The following EPHB6 variants were observed in gnomAD, a reference collection of about 807,000 sequenced individuals.
EPHB6 encodes EPH receptor B6, also known as ephrin type-B receptor 6.
A neutral mutation model predicts 107.0 loss-of-function variants in EPHB6; 51 were observed. The ratio of observed to expected loss-of-function variants is 0.48; its 90% CI spans 0.38 to 0.60. The LOEUF (loss-of-function observed/expected upper bound fraction) is 0.60, where lower values mean the gene tolerates loss of function less well. EPHB6 is among the 20% of genes least tolerant of loss of function. The probability of loss-of-function intolerance (pLI) is 0.00; values close to 1 mark genes in which losing one functional copy is unlikely to be tolerated. For missense variants in EPHB6, 1,141 were observed against 1,355.5 expected (o/e 0.84, Z 2.48); for synonymous variants, 553 against 549.0 (o/e 1.01, Z -0.10).
chr7:142,866,468 T>C lies in EPHB6; in HGVS notation c.1463-13T>C, dbSNP rs767099393. 8 of 1,614,018 alleles carry C rather than the reference T, an allele frequency of 5.0e-6. No homozygotes were observed. Among genetic ancestry groups the C allele is most frequent in the Non-Finnish European group, 5.9e-6 (7 of 1,179,986 alleles). ...ACTCCTATCCCCATAATAATTTTCCTTTTGCACTCTAGTGCCCTCTGCTGT... is the reference window on the plus strand; with the variant it reads ...ACTCCTATCCCCATAATAATTTTCCCTTTGCACTCTAGTGCCCTCTGCTGT... On this transcript the variant is annotated splice_polypyrimidine_tract_variant and intron_variant, in intron 9 of 19. Transcript: ENST00000652003. This position sits in a 1 kb window ranked among gnomAD's most constrained non-coding sequence, Gnocchi z 5.2.
chr7:142,859,635 T>C (rs78694848), intron 1 of EPHB6, among the ~76,000 whole-genome samples: 2 of 152,156 alleles, frequency 1.3e-5, no homozygotes, highest in Admixed American at 1.3e-4. Flanking sequence ...ATTTTTTTTT[T>C]CTGAAAAAAT....
At chr7:142,865,808 GC>G in intron 8 of EPHB6, 151 bp from the exon 9 acceptor site, 3 of 1,125,664 alleles carry the variant, frequency 2.7e-6, no homozygotes, top group Non-Finnish European at 3.9e-6. Context: ...CCTTCCCTGG[GC>G]CCACATCCTG....
At position 142,868,266 on chromosome 7, in the gene EPHB6, C is replaced by A; in HGVS notation, c.1944C>A (p.Asp648Glu). 1 of 1,614,160 alleles carries A rather than the reference C, an allele frequency of 6.2e-7. No homozygotes were observed. The highest frequency in any genetic ancestry group is 1.3e-5 in the African/African-American group (1 of 75,026). Reference sequence around the variant, plus strand: ...GACTCGGGGTGAAGTATTACATCGACCCCTCCACCTACGAGGACCCCTGTC... The same window carrying A: ...GACTCGGGGTGAAGTATTACATCGAACCCTCCACCTACGAGGACCCCTGTC... ...SPGLGVKYYI[D>E]PSTYEDPCQA... The change falls in exon 14 of 20, where the codon GAC (aspartate) becomes GAA (glutamate). Residue 648 changes from aspartate to glutamate, a missense_variant. Asp to Glu is a conservative substitution (Grantham distance 45). Around this residue, in one of 3 missense-constraint regions of EPHB6, gnomAD observed 616 missense variants for 759.3 expected, o/e 0.81. Transcript: ENST00000652003. The surrounding 1 kb of genome is among the most constrained non-coding windows in gnomAD (Gnocchi z 4.2).
At chr7:142,862,943 G>T (rs6950043) in intron 4 of EPHB6, 110 bp downstream of exon 4, 1 of 501,404 alleles carries the variant, frequency 2.0e-6, no homozygotes, top group African/African-American at 1.9e-5. Context: ...CTCCAAGATG[G>T]TCAAATGTGC....
chr7:142,863,464 C>T (rs1802947194), intron 5 of EPHB6, 137 bp downstream of exon 5: 4 of 1,165,080 alleles, frequency 3.4e-6, no homozygotes, highest in South Asian at 2.5e-5. Flanking sequence ...ATAATGAAGA[C>T]CCACATCAGA....
intron 1 of EPHB6, among the ~76,000 whole-genome samples, chr7:142,859,271 A>T (rs1355826390): frequency 6.6e-6 from 1 of 152,190 alleles, no homozygotes; most frequent in Non-Finnish European, 1.5e-5. Context: ...TGTCCCTGGG[A>T]TGCTCTCCTG....
At chr7:142,856,742 G>A (rs1802627533) in intron 1 of EPHB6, among the ~76,000 whole-genome samples, 1 of 152,150 alleles carries the variant, frequency 6.6e-6, no homozygotes, top group Non-Finnish European at 1.5e-5. Context: ...GGGGCCAAGA[G>A]CAACTCACAG....
intron 6 of EPHB6, 88 bp from the exon 7 acceptor site, chr7:142,863,878 T>C (rs1802975159): frequency 1.3e-6 from 2 of 1,559,892 alleles, no homozygotes; most frequent in Non-Finnish European, 1.8e-6. Flanking sequence ...TAAGTCTCAG[T>C]GGAAGAGATA....
In EPHB6 at chr7:142,861,113, T is replaced by G. The variant is rs1009815872; in HGVS notation, c.-370T>G. The G allele has an allele frequency of 6.6e-6, 1 of 152,082 alleles. No individual in the cohort carries two copies. Among genetic ancestry groups the G allele is most frequent in the East Asian group, 1.9e-4 (1 of 5,184 alleles). 9.4% of individuals were successfully genotyped at this position (152,082 alleles called of 1,614,324 possible). ...TCTGAGACTCAGACACGAGGAGAGA[T>G]AGAGAACCGCCAATCTCTAAATCAA... On this transcript the variant is annotated 5_prime_UTR_variant, in exon 2 of 20. Coordinates refer to ENST00000652003, the MANE Select transcript of EPHB6 (RefSeq NM_004445.6).
In EPHB6 at chr7:142,867,457, T is replaced by C. The variant is rs908606513; in HGVS notation, c.1751-151T>C. On this transcript the variant is annotated intron_variant, in intron 11 of 19. Coordinates refer to ENST00000652003, the MANE Select transcript of EPHB6 (RefSeq NM_004445.6). The surrounding 1 kb of genome is among the most constrained non-coding windows in gnomAD (Gnocchi z 5.3). ...TGTGGGAGGGCTGTGGGCGTGTGTG[T>C]GTGTTGTGTGTCCCTGTGCATGGAT... 1.4e-6 allele frequency: 1 copy of C among 709,224 alleles called. No homozygotes were observed. Among genetic ancestry groups the C allele is most frequent in the Non-Finnish European group, 2.5e-6 (1 of 393,258 alleles). The allele number at this position is 709,224 out of a possible 1,614,324, so 43.9% of individuals were successfully genotyped here.
In EPHB6 at chr7:142,867,487, G is replaced by A. The variant is rs2063987; in HGVS notation, c.1751-121G>A. On this transcript the variant is annotated intron_variant, in intron 11 of 19. Coordinates refer to ENST00000652003, the MANE Select transcript of EPHB6 (RefSeq NM_004445.6). This position sits in a 1 kb window ranked among gnomAD's most constrained non-coding sequence, Gnocchi z 5.3. ...TGTGTGTCCCTGTGCATGGATGTGG[G>A]AGGTTTGGGGCATGCGCGTGCATGT... The A allele has an allele frequency of 1.3e-6, 1 of 798,396 alleles. No homozygotes were observed. The highest frequency in any genetic ancestry group is 1.4e-5 in the South Asian group (1 of 69,188). The allele number at this position is 798,396 out of a possible 1,614,324, so 49.5% of individuals were successfully genotyped here.
chr7:142,858,154 A>G (rs1179694042), intron 1 of EPHB6, among the ~76,000 whole-genome samples: 1 of 152,204 alleles, frequency 6.6e-6, no homozygotes, highest in Non-Finnish European at 1.5e-5. Flanking sequence ...GTGTAAGACA[A>G]AATTAATGCC....
rs769331858 is a variant in EPHB6, at chr7:142,866,992, T to C, written c.1674T>C (p.Gly558=). Residue 558 remains glycine (G), a synonymous_variant, in exon 11 of 20, where the codon GGT becomes GGC. Coordinates refer to ENST00000652003, the MANE Select transcript of EPHB6 (RefSeq NM_004445.6). This position sits in a 1 kb window ranked among gnomAD's most constrained non-coding sequence, Gnocchi z 5.2. Reference sequence around the variant, plus strand: ...AGCTGAGCCCTGGCCACATCTATGGTTTCCAGGTGCGGGCCCGGACTGCTG... The same window carrying C: ...AGCTGAGCCCTGGCCACATCTATGGCTTCCAGGTGCGGGCCCGGACTGCTG... ...VTQLSPGHIY[G]FQVRARTAAG... The C allele has an allele frequency of 4.3e-5, 70 of 1,612,126 alleles. 2 individuals are homozygous for C. In the South Asian group the frequency reaches 7.6e-4, roughly 17 times the overall value.
Position 142,868,236 on chromosome 7 carries a change from T to C in EPHB6, c.1919-5T>C, listed in dbSNP as rs1794710665. ...ACGCTCATAACATACTCCACACCCC[T>C]CCAGGACTCGGGGTGAAGTATTACA... On this transcript the variant is annotated splice_region_variant and splice_polypyrimidine_tract_variant and intron_variant, in intron 13 of 19. Coordinates refer to ENST00000652003, the MANE Select transcript of EPHB6 (RefSeq NM_004445.6). This position sits in a 1 kb window ranked among gnomAD's most constrained non-coding sequence, Gnocchi z 4.2. 2.5e-6 allele frequency: 4 copies of C among 1,613,946 alleles called. No individual in the cohort carries two copies. Among genetic ancestry groups the C allele is most frequent in the Non-Finnish European group, 3.4e-6 (4 of 1,179,994 alleles).
At chr7:142,860,050 A>G (rs1802775267) in intron 1 of EPHB6, among the ~76,000 whole-genome samples, 1 of 152,192 alleles carries the variant, frequency 6.6e-6, no homozygotes, top group South Asian at 2.1e-4. Flanking sequence ...CATCTTCCAG[A>G]GTGTTCCATA....
At chr7:142,857,598 C>G (rs1802662226) in intron 1 of EPHB6, among the ~76,000 whole-genome samples, 2 of 152,208 alleles carry the variant, frequency 1.3e-5, no homozygotes, top group African/African-American at 4.8e-5. Flanking sequence ...CCACACCAGA[C>G]ATAAAACCTC....
intron 4 of EPHB6, 143 bp downstream of exon 4, chr7:142,862,976 G>A (rs8177135): frequency 4.8e-4 from 266 of 554,724 alleles, no homozygotes; most frequent in African/African-American, 4.5e-3. Flanking sequence ...GAGGCAGTAT[G>A]CAACCTGGCT....
Position 142,868,169 on chromosome 7 carries a change from T to C in EPHB6, c.1919-72T>C, listed in dbSNP as rs111568687. Reference sequence around the variant, plus strand: ...CTTGGCACAACCTTCTGGAGGTAAGTGGGCATGTCTGGGGTGCGCGGGCAG... The same window carrying C: ...CTTGGCACAACCTTCTGGAGGTAAGCGGGCATGTCTGGGGTGCGCGGGCAG... On this transcript the variant is annotated intron_variant, in intron 13 of 19. Coordinates refer to ENST00000652003, the MANE Select transcript of EPHB6 (RefSeq NM_004445.6). This position sits in a 1 kb window ranked among gnomAD's most constrained non-coding sequence, Gnocchi z 4.2. 410 of 1,613,916 alleles carry C rather than the reference T, an allele frequency of 2.5e-4. 1 individual carries two copies. Among genetic ancestry groups the C allele is most frequent in the African/African-American group, 3.5e-4 (26 of 74,970 alleles).
chr7:142,863,578 G>A, intron 5 of EPHB6, 53 bp from the exon 6 acceptor site: 1 of 1,586,010 alleles, frequency 6.3e-7, no homozygotes, highest in Non-Finnish European at 8.7e-7. Flanking sequence ...AGTAGGGGCT[G>A]GCAGTGCTGG....
Sources: allele counts gnomAD v4.1 joint callset (sites outside exome capture counted in the v4.1 genomes callset), GRCh38; gene constraint gnomAD v4.1.1; regional missense constraint gnomAD v4.1.1; non-coding constraint Gnocchi (gnomAD v3.1); transcripts MANE v1.5; gene names NCBI Gene and HGNC (gene_info 2026-07-23, HGNC 2026-07-21).